Variants in SHISA9 observed in about 807,000 individuals in gnomAD.
SHISA9 encodes protein shisa-9.
Under a neutral mutation model 38.0 loss-of-function variants are expected in SHISA9, and 13 were observed. The observed-to-expected ratio is 0.34, with a 90% confidence interval of 0.22 to 0.54. The LOEUF is 0.54. Ranked by LOEUF, SHISA9 falls within the 20% of genes least tolerant of loss-of-function variation. The probability of loss-of-function intolerance (pLI) is 0.91; values close to 1 mark genes in which losing one functional copy is unlikely to be tolerated. For missense variants in SHISA9, 538 were observed against 575.8 expected, an observed-to-expected ratio of 0.93 and a Z score of 0.67; for synonymous variants, 275 against 242.0, an observed-to-expected ratio of 1.14 and a Z score of -1.27.
chr16:13,547,546 C>G, the SHISA9 span, among the ~76,000 whole-genome samples: 1 of 152,104 alleles, frequency 6.6e-6, no homozygotes, highest in Non-Finnish European at 1.5e-5. Flanking sequence ...TATCCTAGCT[C>G]AAGAAGAGAG....
intron 3 of SHISA9, among the ~76,000 whole-genome samples, chr16:13,203,811 C>T (rs2051031685): frequency 6.6e-6 from 1 of 152,042 alleles, no homozygotes; most frequent in Admixed American, 6.6e-5. Context: ...CATCCATCCA[C>T]CTATTCACTT....
At chr16:13,085,548 A>G (rs1310871659) in intron 2 of SHISA9, among the ~76,000 whole-genome samples, 1 of 152,240 alleles carries the variant, frequency 6.6e-6, no homozygotes, top group Non-Finnish European at 1.5e-5. Context: ...TGACATATCC[A>G]AAGAAGCTAT....
intron 2 of SHISA9, among the ~76,000 whole-genome samples, chr16:13,137,321 T>C (rs2050358495): frequency 6.6e-6 from 1 of 152,122 alleles, no homozygotes; most frequent in African/African-American, 2.4e-5. Flanking sequence ...TCAAGAAACC[T>C]GGAAAATGAA....
intron 2 of SHISA9, among the ~76,000 whole-genome samples, chr16:13,188,130 G>C (rs2050846207): frequency 6.6e-6 from 1 of 152,092 alleles, no homozygotes; most frequent in South Asian, 2.1e-4. Context: ...GCATCAAATG[G>C]TCCATAAACA....
At chr16:12,932,826 T>G (rs541940915) in intron 2 of SHISA9, among the ~76,000 whole-genome samples, 1 of 151,936 alleles carries the variant, frequency 6.6e-6, no homozygotes, top group South Asian at 2.1e-4. Flanking sequence ...TGCAGTGGAG[T>G]GTTGAAGATG....
intron 2 of SHISA9, among the ~76,000 whole-genome samples, chr16:12,934,056 C>CA: frequency 6.6e-6 from 1 of 152,072 alleles, no homozygotes; most frequent in East Asian, 1.9e-4. Flanking sequence ...AAACAAAAAA[C>CA]AAAAAACTCC....
intron 2 of SHISA9, among the ~76,000 whole-genome samples, chr16:13,010,717 C>T (rs1238056766): frequency 2.6e-5 from 4 of 152,128 alleles, no homozygotes; most frequent in Non-Finnish European, 5.9e-5. Context: ...TTTGGGAGGC[C>T]AAGGCGGGCG....
the SHISA9 span, among the ~76,000 whole-genome samples, chr16:13,459,457 A>T: frequency 6.6e-6 from 1 of 151,976 alleles, no homozygotes; most frequent in Non-Finnish European, 1.5e-5. Context: ...ACAGTACTGA[A>T]TAACTTTTAT....
intron 4 of SHISA9, among the ~76,000 whole-genome samples, chr16:13,232,739 C>T (rs2856622): frequency 0.18 from 27,118 of 152,076 alleles, 2,730 homozygotes; most frequent in Admixed American, 0.31. Flanking sequence ...GTAAACATTT[C>T]CTGGTTGACA....
chr16:13,217,642 T>C (rs941570131), intron 4 of SHISA9, among the ~76,000 whole-genome samples: 2 of 152,144 alleles, frequency 1.3e-5, no homozygotes, highest in Non-Finnish European at 2.9e-5. Flanking sequence ...AGGTGCTAAA[T>C]AAGAGTAAAA....
chr16:13,098,532 G>C (rs7202752), intron 2 of SHISA9, among the ~76,000 whole-genome samples: 2 of 152,274 alleles, frequency 1.3e-5, no homozygotes, highest in South Asian at 2.1e-4. Flanking sequence ...AAGTGAGAAA[G>C]GGGGGAGGTT....
chr16:13,240,795 T>G (rs933588229), downstream of SHISA9, among the ~76,000 whole-genome samples: 28 of 152,184 alleles, frequency 1.8e-4, no homozygotes, highest in Non-Finnish European at 5.9e-5. Context: ...GATGGAAGAT[T>G]CGATTCTTCC....
At chr16:13,404,312 G>C in the SHISA9 span, among the ~76,000 whole-genome samples, 504 of 152,248 alleles carry the variant, frequency 3.3e-3, 5 homozygotes, top group African/African-American at 0.011. Flanking sequence ...AGCATGAAAA[G>C]AAATACGAAA....
chr16:13,517,250 C>T, the SHISA9 span, among the ~76,000 whole-genome samples: 180 of 152,288 alleles, frequency 1.2e-3, 1 homozygote, highest in African/African-American at 4.1e-3. Context: ...AAGAGACAAG[C>T]ACGAAATTGA....
intron 2 of SHISA9, among the ~76,000 whole-genome samples, chr16:13,082,879 A>G (rs186632545): frequency 6.6e-6 from 1 of 152,308 alleles, no homozygotes; most frequent in East Asian, 1.9e-4. Context: ...CAAGGTGCAA[A>G]TTGTAGAGAA....
intron 2 of SHISA9, among the ~76,000 whole-genome samples, chr16:13,041,020 T>C (rs1181510197): frequency 6.6e-6 from 1 of 152,130 alleles, no homozygotes; most frequent in Non-Finnish European, 1.5e-5. Flanking sequence ...AAGCCCTTCA[T>C]CCATTCATTC....
intron 2 of SHISA9, among the ~76,000 whole-genome samples, chr16:13,015,858 C>CTTTCTTTCTTTCTT (rs1567182306): frequency 3.3e-5 from 2 of 59,728 alleles, no homozygotes; most frequent in East Asian, 4.8e-4. Context: ...CTTTCCCTTT[C>CTTTCTTTCTTTCTT]TTTCTTTCTT....
rs185169307 is a variant in SHISA9 at position 13,129,513 on chromosome 16, A to G, written c.692-73881A>G. 5.7e-3 allele frequency among the ~76,000 whole-genome samples: 871 copies of G among 152,294 alleles called. 12 individuals carry two copies. The highest frequency in any genetic ancestry group is 0.02 in the African/African-American group (820 of 41,564). ...CTTCTATCTACATTCCATTGGCCAG[A>G]ACTGTCATATGGCTATACCTAATTG... On this transcript the variant is annotated intron_variant, in intron 2 of 4. Transcript: ENST00000558583.
At chr16:13,488,854 C>G in the SHISA9 span, among the ~76,000 whole-genome samples, 5 of 152,166 alleles carry the variant, frequency 3.3e-5, no homozygotes, top group Non-Finnish European at 5.9e-5. Context: ...CTCCGCCTCC[C>G]GGGCTCACGC....
Sources: gnomAD v4.1 joint callset for allele counts (sites outside exome capture counted in the v4.1 genomes callset) on GRCh38, gnomAD v4.1.1 for gene constraint, MANE v1.5 for transcripts, NCBI Gene and HGNC (gene_info 2026-07-23, HGNC 2026-07-21) for gene names.